Variants in LZIC observed in about 807,000 individuals in gnomAD.
The protein encoded by LZIC is protein LZIC.
LZIC carries 28 observed loss-of-function variants against 25.4 expected under a neutral mutation model. The observed-to-expected ratio is 1.10, with a 90% CI of 0.82 to 1.51. LZIC has a LOEUF of 1.51. Among genes scored for constraint, LZIC ranks in the 40% most tolerant of loss-of-function variants. The pLI, the probability that LZIC is intolerant of heterozygous loss-of-function variation, is 0.00. For synonymous variants in LZIC, 65 were observed against 70.7 expected, an observed-to-expected ratio of 0.92 and a Z score of 0.40; for missense variants, 170 against 211.1, an observed-to-expected ratio of 0.81 and a Z score of 1.21.
intron 1 of LZIC, 132 bp downstream of exon 1, chr1:9,943,117 C>A: frequency 5.6e-6 from 1 of 177,270 alleles, no homozygotes; most frequent in Non-Finnish European, 1.2e-5. Context: ...CCGGCCACCG[C>A]AGCAAATCCC....
chr1:9,925,033 C>G (rs949238564), downstream of LZIC, among the ~76,000 whole-genome samples: 4 of 151,898 alleles, frequency 2.6e-5, no homozygotes, highest in Admixed American at 6.6e-5. Flanking sequence ...CCCTTACCAC[C>G]GGGCGCAGTG....
At chr1:9,925,385 A>C (rs1458895010), downstream of LZIC, among the ~76,000 whole-genome samples, 1 of 152,292 alleles carries the variant, frequency 6.6e-6, no homozygotes, top group East Asian at 1.9e-4. Context: ...AACACACAGA[A>C]AAACTTGATG....
In LZIC at chr1:9,928,094, C is replaced by A. The variant is rs1640053155; in HGVS notation, c.*2305G>T. ...CTCTGGGAGGTTGAGGCGGGTGGATCACCTAAGGTCAGGAGTTCGAGACCA... is the reference window on the plus strand; with the variant it reads ...CTCTGGGAGGTTGAGGCGGGTGGATAACCTAAGGTCAGGAGTTCGAGACCA... On this transcript the variant is annotated 3_prime_UTR_variant, in exon 8 of 8. Coordinates refer to ENST00000377223, the MANE Select transcript of LZIC (RefSeq NM_032368.5). Among the ~76,000 whole-genome samples, 1 of 152,048 alleles carries A rather than the reference C, an allele frequency of 6.6e-6. No individual in the cohort carries two copies.
chr1:9,932,624 A>C (rs1640273674), intron 6 of LZIC, among the ~76,000 whole-genome samples, 179 bp downstream of exon 6: 1 of 144,912 alleles, frequency 6.9e-6, no homozygotes, highest in Non-Finnish European at 1.5e-5. Flanking sequence ...GGGAGGTTGC[A>C]GTGAGCTGAG....
intron 1 of LZIC, chr1:9,943,037 G>A: frequency 3.3e-6 from 1 of 298,924 alleles, no homozygotes; most frequent in Non-Finnish European, 6.8e-6. Context: ...TAAGGGCGGA[G>A]AGCACGCCTC....
Position 9,930,371 on chromosome 1 carries a change from G to T in LZIC, c.*28C>A. ...AAGACACCATTTACATTAAGAATGT[G>T]ATCAATGTTACAAGCTTCTGCACCA... On this transcript the variant is annotated 3_prime_UTR_variant, in exon 8 of 8. Transcript: ENST00000377223. The T allele has an allele frequency of 6.2e-7, 1 of 1,607,968 alleles. No individual in the cohort carries two copies. Among genetic ancestry groups the T allele is most frequent in the South Asian group, 1.1e-5 (1 of 89,778 alleles).
At position 9,930,127 on chromosome 1, in the gene LZIC, T is replaced by A; in HGVS notation, c.*272A>T. The A allele has an allele frequency of 1.7e-6, 2 of 1,180,652 alleles. No individual in the cohort carries two copies. Among genetic ancestry groups the A allele is most frequent in the African/African-American group, 3.1e-5 (2 of 64,534 alleles). The allele number at this position is 1,180,652 out of a possible 1,614,324, so 73.1% of individuals were successfully genotyped here. A position where few individuals can be genotyped will look rare whatever the true frequency, so the allele number is the denominator to read the frequency against. ...CTTAATAAAAATCAAGTCCACTTTG[T>A]TTTCTCTCTTAAACAGACAAATCAT... is the stretch of plus-strand genomic sequence containing the variant. On this transcript the variant is annotated 3_prime_UTR_variant, in exon 8 of 8. Transcript: ENST00000377223.
chr1:9,934,927 T>TTGTTG, intron 4 of LZIC, 67 bp from the exon 5 acceptor site: 1 of 1,127,344 alleles, frequency 8.9e-7, no homozygotes, highest in African/African-American at 1.5e-5. Flanking sequence ...AATAACTGAT[T>TTGTTG]GACGGATCCT....
At position 9,930,540 on chromosome 1, in the gene LZIC, T is replaced by C. The variant is rs1640164399; in HGVS notation, c.515-83A>G. Reference sequence around the variant, plus strand: ...TGGTAAAGTGGGAAAAAATCTATCATATAGATATTAAAACAGAAAATATAA... The same window carrying C: ...TGGTAAAGTGGGAAAAAATCTATCACATAGATATTAAAACAGAAAATATAA... On this transcript the variant is annotated intron_variant, in intron 7 of 7. Coordinates refer to ENST00000377223, the MANE Select transcript of LZIC (RefSeq NM_032368.5). The C allele has an allele frequency of 3.2e-6, 5 of 1,565,042 alleles. No homozygotes were observed. In the South Asian group the frequency reaches 3.4e-5, roughly 11 times the overall value.
intron 5 of LZIC, among the ~76,000 whole-genome samples, chr1:9,933,764 G>A (rs759544616): frequency 1.3e-5 from 2 of 151,892 alleles, no homozygotes; most frequent in Non-Finnish European, 2.9e-5. Flanking sequence ...AAATTAGTGG[G>A]GTGTGGTGGT....
At position 9,937,722 on chromosome 1, in the gene LZIC, C is replaced by T. The variant is rs113522002; in HGVS notation, c.-8-1095G>A. On this transcript the variant is annotated intron_variant, in intron 2 of 7. Coordinates refer to ENST00000377223, the MANE Select transcript of LZIC (RefSeq NM_032368.5). Reference sequence around the variant, plus strand: ...TCTTAGCTAGGCATGGTGGCGGATGCCTCTAGTCCCACCTACTCAGGAGGC... The same window carrying T: ...TCTTAGCTAGGCATGGTGGCGGATGTCTCTAGTCCCACCTACTCAGGAGGC... Among the ~76,000 whole-genome samples the T allele has an allele frequency of 2.0e-4, 31 of 151,416 alleles. 2 individuals carry two copies. The highest frequency in any genetic ancestry group is 6.8e-4 in the African/African-American group (28 of 41,296).
intron 1 of LZIC, 92 bp downstream of exon 1, chr1:9,943,157 G>A: frequency 5.6e-6 from 1 of 177,880 alleles, no homozygotes; most frequent in East Asian, 1.4e-4. Context: ...AGTCCGGCAC[G>A]TAGGTCCCGC....
At chr1:9,925,624 C>G (rs1468030994), downstream of LZIC, among the ~76,000 whole-genome samples, 1 of 152,110 alleles carries the variant, frequency 6.6e-6, no homozygotes, top group Non-Finnish European at 1.5e-5. Context: ...AGAGTCTCCT[C>G]TGTCGCCCAG....
At position 9,929,671 on chromosome 1, in the gene LZIC, A is replaced by G; in HGVS notation, c.*728T>C. Reference sequence around the variant, plus strand: ...TTCCAACCTCAAAATTCCGAGATACAACGGGCCCCATTAATACAGACAGCT... The same window carrying G: ...TTCCAACCTCAAAATTCCGAGATACGACGGGCCCCATTAATACAGACAGCT... On this transcript the variant is annotated 3_prime_UTR_variant, in exon 8 of 8. Coordinates refer to ENST00000377223, the MANE Select transcript of LZIC (RefSeq NM_032368.5). 2 of 985,452 alleles carry G rather than the reference A, an allele frequency of 2.0e-6. No homozygotes were observed. The highest frequency in any genetic ancestry group is 2.4e-6 in the Non-Finnish European group (2 of 829,940). 61.0% of individuals were successfully genotyped at this position (985,452 alleles called of 1,614,324 possible). A position where few individuals can be genotyped will look rare whatever the true frequency, so the allele number is the denominator to read the frequency against.
rs544302545 is a variant in LZIC at position 9,928,112 on chromosome 1, C to T, written c.*2287G>A. On this transcript the variant is annotated 3_prime_UTR_variant, in exon 8 of 8. Coordinates refer to ENST00000377223, the MANE Select transcript of LZIC (RefSeq NM_032368.5). ...GGTGGATCACCTAAGGTCAGGAGTTCGAGACCAGCCTGACCAACATGGAGA... is the reference window on the plus strand; with the variant it reads ...GGTGGATCACCTAAGGTCAGGAGTTTGAGACCAGCCTGACCAACATGGAGA... Among the ~76,000 whole-genome samples the T allele has an allele frequency of 9.1e-4, 138 of 152,030 alleles. 1 individual carries two copies. The highest frequency in any genetic ancestry group is 3.1e-3 in the African/African-American group (129 of 41,488).
Position 9,930,141 on chromosome 1 carries a change from C to T in LZIC, c.*258G>A. The T allele has an allele frequency of 8.2e-7, 1 of 1,221,380 alleles. No homozygotes were observed. The highest frequency in any genetic ancestry group is 1.0e-6 in the Non-Finnish European group (1 of 974,212). The allele number at this position is 1,221,380 out of a possible 1,614,324, so 75.7% of individuals were successfully genotyped here. On this transcript the variant is annotated 3_prime_UTR_variant, in exon 8 of 8. Transcript: ENST00000377223. ...AGTCCACTTTGTTTTCTCTCTTAAA[C>T]AGACAAATCATAACGAACAGAGTCC...
chr1:9,936,512 C>T lies in LZIC; in HGVS notation c.101+7G>A. 6.3e-7 allele frequency: 1 copy of T among 1,595,806 alleles called. No homozygotes were observed. The highest frequency in any genetic ancestry group is 8.6e-7 in the Non-Finnish European group (1 of 1,163,926). ...TCCAGCATAACAACATACAATTAAACTCTTACCTGCATTCCTCCAGATCTT... is the reference window on the plus strand; with the variant it reads ...TCCAGCATAACAACATACAATTAAATTCTTACCTGCATTCCTCCAGATCTT... On this transcript the variant is annotated splice_region_variant and intron_variant, in intron 3 of 7. Coordinates refer to ENST00000377223, the MANE Select transcript of LZIC (RefSeq NM_032368.5).
rs1354631536 is a variant in LZIC, at chr1:9,927,174, GT to G, written c.*3224del. On this transcript the variant is annotated 3_prime_UTR_variant, in exon 8 of 8. Transcript: ENST00000377223. The stretch of plus-strand genomic sequence containing the variant: ...CACTGCAAACTAGGCCACTTTTAAA[GT>G]AAGATCATTTTAAATTGAGTACTCT... 6.6e-6 allele frequency among the ~76,000 whole-genome samples: 1 copy of G among 152,140 alleles called. No individual in the cohort carries two copies. The highest frequency in any genetic ancestry group is 2.4e-5 in the African/African-American group (1 of 41,416).
chr1:9,929,650 A>C lies in LZIC; in HGVS notation c.*749T>G. The C allele has an allele frequency of 1.0e-6, 1 of 985,432 alleles. No individual in the cohort carries two copies. 61.0% of individuals were successfully genotyped at this position (985,432 alleles called of 1,614,324 possible). On this transcript the variant is annotated 3_prime_UTR_variant, in exon 8 of 8. Coordinates refer to ENST00000377223, the MANE Select transcript of LZIC (RefSeq NM_032368.5). The stretch of plus-strand genomic sequence containing the variant: ...CGCTCAACAGGGCTCCCATTGTTCC[A>C]ACCTCAAAATTCCGAGATACAACGG...
Sources: allele counts gnomAD v4.1 joint callset (sites outside exome capture counted in the v4.1 genomes callset), GRCh38; gene constraint gnomAD v4.1.1; transcripts MANE v1.5; gene names NCBI Gene and HGNC (gene_info 2026-07-23, HGNC 2026-07-21).